SYNE2: variants seen among roughly 807,000 people sequenced by gnomAD.
SYNE2 encodes the protein spectrin repeat containing nuclear envelope protein 2.
SYNE2 carries 431 observed loss-of-function variants against 856.3 expected under a neutral mutation model. The observed-to-expected ratio is 0.50, with a 90% CI of 0.47 to 0.55. The LOEUF is 0.55. SYNE2 is among the 20% of genes least tolerant of loss of function. The probability of loss-of-function intolerance (pLI) is 0.00; values close to 1 mark genes in which losing one functional copy is unlikely to be tolerated. For missense variants in SYNE2, 8,129 were observed against 8,023.2 expected (o/e 1.01, Z -0.50); for synonymous variants, 2,923 against 2,872.3 (o/e 1.02, Z -0.56).
chr14:63,796,632 A>G (rs533306447), intron 1 of SYNE2, among the ~76,000 whole-genome samples: 12 of 152,310 alleles, frequency 7.9e-5, no homozygotes, highest in African/African-American at 2.6e-4. Flanking sequence ...TCTTCTAGAC[A>G]CAAATAAGGA....
intron 8 of SYNE2, among the ~76,000 whole-genome samples, chr14:63,960,332 T>C (rs1300486415): frequency 6.6e-6 from 1 of 152,238 alleles, no homozygotes; most frequent in Non-Finnish European, 1.5e-5. Flanking sequence ...AGAGCACTCA[T>C]TGAACCTAGT....
At chr14:63,969,533 G>T (rs1260731464) in intron 11 of SYNE2, among the ~76,000 whole-genome samples, 1 of 151,792 alleles carries the variant, frequency 6.6e-6, no homozygotes, top group Non-Finnish European at 1.5e-5. Flanking sequence ...AATAGAGACG[G>T]AGTTTCACTG....
intron 37 of SYNE2, 58 bp downstream of exon 37, chr14:64,022,086 C>T (rs894843406): frequency 1.3e-5 from 19 of 1,515,814 alleles, no homozygotes; most frequent in Middle Eastern, 1.9e-4. Context: ...GAATGTAGTA[C>T]TGTGAACACA....
chr14:63,941,967 G>A lies in SYNE2; in HGVS notation c.315+5G>A. 6.2e-7 allele frequency: 1 copy of A among 1,611,414 alleles called. No individual in the cohort carries two copies. Among genetic ancestry groups the A allele is most frequent in the Non-Finnish European group, 8.5e-7 (1 of 1,178,684 alleles). On this transcript the variant is annotated splice_donor_5th_base_variant and intron_variant, in intron 5 of 115. Coordinates refer to ENST00000555002, the MANE Select transcript of SYNE2 (RefSeq NM_182914.3). Reference sequence around the variant, plus strand: ...ACATTCCTAAGAAACCGATCAGTAAGTATAAATTTTTCTTAAAAATTCACA... The same window carrying A: ...ACATTCCTAAGAAACCGATCAGTAAATATAAATTTTTCTTAAAAATTCACA...
chr14:64,133,728 T>C (rs1399666797), intron 77 of SYNE2, among the ~76,000 whole-genome samples: 1 of 152,170 alleles, frequency 6.6e-6, no homozygotes, highest in Non-Finnish European at 1.5e-5. Flanking sequence ...AGAGAAAGGC[T>C]CTCTTGTGGC....
intron 1 of SYNE2, among the ~76,000 whole-genome samples, chr14:63,806,122 T>C (rs1217862330): frequency 6.6e-6 from 1 of 152,222 alleles, no homozygotes; most frequent in Non-Finnish European, 1.5e-5. Flanking sequence ...GGGTTTGTCA[T>C]AGATGGCTCT....
chr14:63,811,642 T>G (rs1404668144), intron 1 of SYNE2, among the ~76,000 whole-genome samples: 1 of 152,184 alleles, frequency 6.6e-6, no homozygotes, highest in East Asian at 1.9e-4. Context: ...GCCCCCAATA[T>G]TTCAACGTAG....
intron 50 of SYNE2, among the ~76,000 whole-genome samples, chr14:64,064,701 A>G (rs1228231919): frequency 1.3e-5 from 2 of 151,786 alleles, no homozygotes; most frequent in South Asian, 2.1e-4. Flanking sequence ...CTACAGGCAT[A>G]CACCACCATG....
intron 11 of SYNE2, among the ~76,000 whole-genome samples, chr14:63,970,935 G>C (rs1397269343): frequency 1.3e-5 from 2 of 151,830 alleles, no homozygotes; most frequent in Admixed American, 6.6e-5. Flanking sequence ...TTACAGACAT[G>C]AGCCACTGTG....
At position 64,029,945 on chromosome 14, in the gene SYNE2, G is replaced by A; in HGVS notation, c.6765G>A (p.Gln2255=). ...ACGTTCGAGAACATGATTCATACCA[G>A]GTTTGCGTCACAGACCTGAATACTA... ...DGHVREHDSY[Q]VCVTDLNTTL... Residue 2255 remains glutamine (Q), a synonymous_variant, in exon 44 of 116, where the codon CAG becomes CAA. Coordinates refer to ENST00000555002, the MANE Select transcript of SYNE2 (RefSeq NM_182914.3). 1.9e-6 allele frequency: 3 copies of A among 1,614,078 alleles called. 1 individual carries two copies. Among genetic ancestry groups the A allele is most frequent in the Non-Finnish European group, 2.5e-6 (3 of 1,180,002 alleles).
intron 1 of SYNE2, among the ~76,000 whole-genome samples, chr14:63,837,278 A>G (rs1320885553): frequency 6.6e-6 from 1 of 152,184 alleles, no homozygotes; most frequent in African/African-American, 2.4e-5. Context: ...ACATCACACA[A>G]TACACAAAAA....
In SYNE2 at chr14:64,220,658, G is replaced by A. The variant is rs775504423; in HGVS notation, c.20061+21G>A. The stretch of plus-strand genomic sequence containing the variant: ...GCCAGGTACGCTGACTCAGCAGCCC[G>A]CCTCCCAGAGCCGGTACCCAGGCCC... On this transcript the variant is annotated intron_variant, in intron 111 of 115. Transcript: ENST00000555002. 2.5e-5 allele frequency: 40 copies of A among 1,611,664 alleles called. No homozygotes were observed. In the Middle Eastern group the frequency reaches 5.4e-4, roughly 22 times the overall value.
At chr14:63,983,150 C>T (rs551050622) in intron 17 of SYNE2, among the ~76,000 whole-genome samples, 3 of 152,266 alleles carry the variant, frequency 2.0e-5, no homozygotes, top group East Asian at 1.9e-4. Context: ...AGAATGTAAT[C>T]GTACTTCATT....
At position 63,948,802 on chromosome 14, in the gene SYNE2, A is replaced by ATGTG. The variant is rs1158609856; in HGVS notation, c.409-1022_409-1021insGTGT. On this transcript the variant is annotated intron_variant, in intron 6 of 115. Coordinates refer to ENST00000555002, the MANE Select transcript of SYNE2 (RefSeq NM_182914.3). ...TGTGTGTATATATATATATATATAT[A>ATGTG]TATATATATATATATATATATGTAG... Among the ~76,000 whole-genome samples the ATGTG allele has an allele frequency of 7.5e-5, 8 of 107,360 alleles. No homozygotes were observed. In the East Asian group the frequency reaches 1.1e-3, roughly 15 times the overall value. The allele number at this position is 107,360 out of a possible 152,430, so 70.4% of individuals were successfully genotyped here.
intron 1 of SYNE2, among the ~76,000 whole-genome samples, chr14:63,859,721 C>T (rs1310683374): frequency 6.6e-6 from 1 of 152,150 alleles, no homozygotes; most frequent in Non-Finnish European, 1.5e-5. Context: ...GAGGCTGAGG[C>T]AGGAGAATTG....
At chr14:64,191,738 G>A (rs919470767) in intron 99 of SYNE2, among the ~76,000 whole-genome samples, 5 of 152,256 alleles carry the variant, frequency 3.3e-5, no homozygotes, top group Middle Eastern at 3.4e-3. Flanking sequence ...AACATAGACT[G>A]GCCCAAATTC....
chr14:64,101,710 T>G lies in SYNE2; in HGVS notation c.12382-222T>G, dbSNP rs939758736. On this transcript the variant is annotated intron_variant, in intron 63 of 115. Transcript: ENST00000555002. ...GTGACGTGAGCCGAGCCCCTACTTT[T>G]AAAAGTATTTTCTAGGCTTTAGGAA... Among the ~76,000 whole-genome samples the G allele has an allele frequency of 2.0e-5, 3 of 152,190 alleles. No individual in the cohort carries two copies. The South Asian group carries it at 6.2e-4, about 32-fold the overall frequency.
In SYNE2 at chr14:64,002,333, G is replaced by A. The variant is rs536515249; in HGVS notation, c.3786+252G>A. Reference sequence around the variant, plus strand: ...TCAAAATGAAGCCTTGTTTATGAATGCCTTCTTCAGTGACTGAATTCCTAA... The same window carrying A: ...TCAAAATGAAGCCTTGTTTATGAATACCTTCTTCAGTGACTGAATTCCTAA... On this transcript the variant is annotated intron_variant, in intron 29 of 115. Transcript: ENST00000555002. 3.3e-5 allele frequency among the ~76,000 whole-genome samples: 5 copies of A among 152,186 alleles called. No individual in the cohort carries two copies. The East Asian group carries it at 7.7e-4, about 23-fold the overall frequency.
rs184241655 is a variant in SYNE2 at position 64,158,654 on chromosome 14, A to G, written c.15822A>G (p.Ser5274=). 2 of 1,613,900 alleles carry G rather than the reference A, an allele frequency of 1.2e-6. No homozygotes were observed. Among genetic ancestry groups the G allele is most frequent in the Non-Finnish European group, 1.7e-6 (2 of 1,179,910 alleles). The change falls in exon 86 of 116, where the codon TCA becomes TCG. Residue 5274 remains serine (S), a synonymous_variant. Coordinates refer to ENST00000555002, the MANE Select transcript of SYNE2 (RefSeq NM_182914.3). Reference sequence around the variant, plus strand: ...ATCAGCTCAAAACCTCCATGCAGTCAGTTTTACAGGAGTGGAAGATTTATG... The same window carrying G: ...ATCAGCTCAAAACCTCCATGCAGTCGGTTTTACAGGAGTGGAAGATTTATG... ...QVNQLKTSMQ[S]VLQEWKIYDQ...
Sources: gnomAD v4.1 joint callset for allele counts (sites outside exome capture counted in the v4.1 genomes callset) on GRCh38, gnomAD v4.1.1 for gene constraint, MANE v1.5 for transcripts, NCBI Gene and HGNC (gene_info 2026-07-23, HGNC 2026-07-21) for gene names.